LRP1B: variants seen among roughly 807,000 people sequenced by gnomAD.
LRP1B encodes the protein LDL receptor related protein 1B.
Under a neutral mutation model 556.6 loss-of-function variants are expected in LRP1B, and 217 were observed. The observed-to-expected ratio is 0.39, with a 90% CI of 0.35 to 0.44. LRP1B has a LOEUF of 0.44. Among genes scored for constraint, LRP1B ranks in the 20% least tolerant of loss-of-function variants. LRP1B has a pLI of 1.00. For missense variants in LRP1B, 5,053 were observed against 5,620.8 expected (o/e 0.90, Z 3.23); for synonymous variants, 2,047 against 1,865.8 (o/e 1.10, Z -2.50).
chr2:141,697,547 T>C (rs137987415), intron 2 of LRP1B, among the ~76,000 whole-genome samples: 1 of 152,058 alleles, frequency 6.6e-6, no homozygotes, highest in South Asian at 2.1e-4. Context: ...ATATAGATAG[T>C]TAAATGTAAA....
intron 3 of LRP1B, among the ~76,000 whole-genome samples, chr2:141,470,499 G>T (rs1228875747): frequency 6.6e-6 from 1 of 152,182 alleles, no homozygotes; most frequent in Non-Finnish European, 1.5e-5. Context: ...TTGCTGCTTT[G>T]AGAATGGGTC....
intron 7 of LRP1B, among the ~76,000 whole-genome samples, chr2:141,094,399 T>G (rs1700243934): frequency 6.6e-6 from 1 of 152,186 alleles, no homozygotes; most frequent in Non-Finnish European, 1.5e-5. Context: ...CTTTCAGCTT[T>G]AAACCATCTA....
intron 15 of LRP1B, among the ~76,000 whole-genome samples, chr2:140,996,081 C>T (rs75144875): frequency 0.11 from 16,353 of 151,886 alleles, 974 homozygotes; most frequent in East Asian, 0.2. Context: ...TGTCTTCTAC[C>T]GGAATCCATG....
intron 7 of LRP1B, among the ~76,000 whole-genome samples, chr2:141,082,398 C>T (rs1699946483): frequency 2.0e-5 from 3 of 152,288 alleles, no homozygotes; most frequent in Admixed American, 2.0e-4. Context: ...TCAGTTGGTC[C>T]ACACAGGTGA....
intron 3 of LRP1B, among the ~76,000 whole-genome samples, chr2:141,459,300 A>G (rs1159000925): frequency 6.6e-6 from 1 of 152,098 alleles, no homozygotes; most frequent in Non-Finnish European, 1.5e-5. Context: ...GTGAAGAAAT[A>G]TCTTGACCCA....
At position 141,790,384 on chromosome 2, in the gene LRP1B, A is replaced by G. The variant is rs796897490; in HGVS notation, c.205+19895T>C. Among the ~76,000 whole-genome samples, 5 of 151,902 alleles carry G rather than the reference A, an allele frequency of 3.3e-5. No homozygotes were observed. The South Asian group carries it at 8.3e-4, about 25-fold the overall frequency. On this transcript the variant is annotated intron_variant, in intron 2 of 90. Coordinates refer to ENST00000389484, the MANE Select transcript of LRP1B (RefSeq NM_018557.3). ...ATATATAATTTTTCTGATCTCAGATATACTTCAGAGCAGTTGTTTCAAGCT... is the reference window on the plus strand; with the variant it reads ...ATATATAATTTTTCTGATCTCAGATGTACTTCAGAGCAGTTGTTTCAAGCT...
chr2:141,754,378 A>G (rs1401942039), intron 2 of LRP1B, among the ~76,000 whole-genome samples: 3 of 152,194 alleles, frequency 2.0e-5, no homozygotes, highest in Non-Finnish European at 4.4e-5. Flanking sequence ...TTGGAAATGC[A>G]TGGATTATTT....
intron 25 of LRP1B, among the ~76,000 whole-genome samples, chr2:140,876,958 A>G (rs566135955): frequency 1.3e-5 from 2 of 152,274 alleles, no homozygotes; most frequent in East Asian, 3.9e-4. Flanking sequence ...TTAGATTCTA[A>G]TCTTGCCTAA....
intron 1 of LRP1B, among the ~76,000 whole-genome samples, chr2:142,022,943 G>A (rs1016832581): frequency 6.6e-6 from 1 of 152,100 alleles, no homozygotes; most frequent in African/African-American, 2.4e-5. Flanking sequence ...CCAAAGTGCT[G>A]GGATTACAGG....
chr2:141,154,363 T>G (rs1702015258), intron 7 of LRP1B, among the ~76,000 whole-genome samples: 1 of 151,900 alleles, frequency 6.6e-6, no homozygotes, highest in Admixed American at 6.6e-5. Context: ...CCCTTATTCT[T>G]ATTTTATTCA....
At chr2:140,428,458 C>T (rs1019329269) in intron 66 of LRP1B, among the ~76,000 whole-genome samples, 2 of 152,312 alleles carry the variant, frequency 1.3e-5, no homozygotes, top group South Asian at 4.1e-4. Flanking sequence ...ATGCCCACAG[C>T]CCGGGATTCC....
At chr2:141,929,902 C>T (rs565888287) in intron 1 of LRP1B, among the ~76,000 whole-genome samples, 5 of 85,766 alleles carry the variant, frequency 5.8e-5, no homozygotes, top group South Asian at 4.7e-4. Context: ...GGAGAAACCG[C>T]GGATGGAAAC....
intron 1 of LRP1B, among the ~76,000 whole-genome samples, chr2:141,999,075 G>A (rs2105132318): frequency 6.6e-6 from 1 of 152,154 alleles, no homozygotes; most frequent in South Asian, 2.1e-4. Flanking sequence ...TTCTTTCAGG[G>A]CCTCCTATCT....
intron 41 of LRP1B, among the ~76,000 whole-genome samples, chr2:140,630,254 G>A (rs1006737823): frequency 6.6e-6 from 1 of 152,126 alleles, no homozygotes; most frequent in African/African-American, 2.4e-5. Context: ...TAAATGTTGT[G>A]AGCCACAGTA....
chr2:140,703,346 A>G (rs1454626434), intron 37 of LRP1B, among the ~76,000 whole-genome samples: 1 of 152,148 alleles, frequency 6.6e-6, no homozygotes, highest in Admixed American at 6.6e-5. Context: ...ACATGTCATA[A>G]AATAAAATGT....
chr2:140,537,738 G>A (rs559390694), intron 45 of LRP1B, among the ~76,000 whole-genome samples: 13 of 152,134 alleles, frequency 8.5e-5, no homozygotes, highest in Non-Finnish European at 1.6e-4. Context: ...AAGAGTTTGA[G>A]TTTTTAGGTG....
chr2:142,037,705 C>CT (rs1369537117), intron 1 of LRP1B, among the ~76,000 whole-genome samples: 3 of 151,594 alleles, frequency 2.0e-5, no homozygotes, highest in African/African-American at 7.3e-5. Context: ...GTTGCTTATT[C>CT]TCTTTAGGTC....
intron 2 of LRP1B, among the ~76,000 whole-genome samples, chr2:141,572,025 G>T (rs924992774): frequency 1.3e-5 from 2 of 152,148 alleles, no homozygotes; most frequent in Admixed American, 6.5e-5. Flanking sequence ...TTATCCAGGA[G>T]AATTTCCCCA....
chr2:141,408,141 ATT>A (rs35914905), intron 3 of LRP1B, among the ~76,000 whole-genome samples: 2,121 of 123,906 alleles, frequency 0.017, 42 homozygotes, highest in African/African-American at 0.061. Context: ...ATTTGGTTCA[ATT>A]TTTTTTTTTT....
Sources: allele counts gnomAD v4.1 joint callset (sites outside exome capture counted in the v4.1 genomes callset), GRCh38; gene constraint gnomAD v4.1.1; transcripts MANE v1.5; gene names NCBI Gene and HGNC (gene_info 2026-07-23, HGNC 2026-07-21).